The following CSGALNACT1 variants were observed in gnomAD, a reference collection of about 807,000 sequenced individuals.
CSGALNACT1 encodes beta4GalNAcT-1.
Under a neutral mutation model 51.0 loss-of-function variants are expected in CSGALNACT1, and 52 were observed. That is an observed-to-expected ratio of 1.02 (90% CI 0.82 to 1.29). CSGALNACT1 has a LOEUF of 1.29. Among genes scored for constraint, CSGALNACT1 ranks in the 50% most tolerant of loss-of-function variants. The probability of loss-of-function intolerance (pLI) is 0.00; values close to 1 mark genes in which losing one functional copy is unlikely to be tolerated. For synonymous variants in CSGALNACT1, 341 were observed against 254.4 expected (o/e 1.34, Z -3.24); for missense variants, 935 against 679.2 (o/e 1.38, Z -4.19).
At chr8:19,409,414 A>C (rs917418521) in intron 8 of CSGALNACT1, among the ~76,000 whole-genome samples, 2 of 152,166 alleles carry the variant, frequency 1.3e-5, no homozygotes, top group African/African-American at 4.8e-5. Context: ...GACACTGCCC[A>C]GTCTCTTACT....
intron 1 of CSGALNACT1, among the ~76,000 whole-genome samples, chr8:19,707,259 T>C (rs1231093632): frequency 6.6e-6 from 1 of 152,172 alleles, no homozygotes; most frequent in Admixed American, 6.5e-5. Context: ...CAGTTCTACA[T>C]CCATAAGTGT....
intron 4 of CSGALNACT1, among the ~76,000 whole-genome samples, chr8:19,474,224 G>T (rs1296643743): frequency 1.3e-5 from 2 of 152,016 alleles, no homozygotes; most frequent in African/African-American, 4.8e-5. Context: ...AAAAGGGAAA[G>T]AAACCAACAC....
At chr8:19,755,138 C>A (rs1488025694) in intron 1 of CSGALNACT1, among the ~76,000 whole-genome samples, 2 of 152,088 alleles carry the variant, frequency 1.3e-5, no homozygotes, top group Non-Finnish European at 2.9e-5. Flanking sequence ...CCTTGCAGAC[C>A]TTACTGATAT....
rs528151112 is a variant in CSGALNACT1 at position 19,559,908 on chromosome 8, T to C, written c.-297+31252A>G. Among the ~76,000 whole-genome samples, 30 of 152,260 alleles carry C rather than the reference T, an allele frequency of 2.0e-4. No homozygotes were observed. In the South Asian group the frequency reaches 6.0e-3, roughly 31 times the overall value. ...GAACTTGACTAAGTTGATTGTAAAA[T>C]TGCATATGGAAATGCAAAGGGCCAA... On this transcript the variant is annotated intron_variant, in intron 3 of 9. Transcript: ENST00000454498.
chr8:19,602,242 G>A (rs996916787), exon 1 of CSGALNACT1: 7 of 174,246 alleles, frequency 4.0e-5, no homozygotes, highest in African/African-American at 1.7e-4. Context: ...CAGCGCTGAA[G>A]TCACACTGGG....
At chr8:19,414,878 C>G (rs944499355) in intron 8 of CSGALNACT1, among the ~76,000 whole-genome samples, 5 of 152,230 alleles carry the variant, frequency 3.3e-5, no homozygotes, top group Non-Finnish European at 7.3e-5. Context: ...CCATCTCTTT[C>G]AAGACTGAGT....
intron 1 of CSGALNACT1, among the ~76,000 whole-genome samples, chr8:19,714,463 C>A (rs910796336): frequency 1.3e-5 from 2 of 151,820 alleles, no homozygotes; most frequent in African/African-American, 4.8e-5. Flanking sequence ...CATCTCTATT[C>A]TCTCTCTCCA....
chr8:19,570,866 C>T (rs2958572), intron 3 of CSGALNACT1, among the ~76,000 whole-genome samples: 2 of 152,170 alleles, frequency 1.3e-5, no homozygotes, highest in East Asian at 1.9e-4. Context: ...CGAGATCACG[C>T]TATTGCATAG....
intron 1 of CSGALNACT1, among the ~76,000 whole-genome samples, chr8:19,680,016 C>T (rs1994790): frequency 0.24 from 36,673 of 151,912 alleles, 4,544 homozygotes; most frequent in Admixed American, 0.31. Context: ...AAAATAGCCA[C>T]GACAAACTTT....
intron 4 of CSGALNACT1, among the ~76,000 whole-genome samples, chr8:19,479,205 C>G (rs1299802285): frequency 6.6e-6 from 1 of 152,218 alleles, no homozygotes; most frequent in Non-Finnish European, 1.5e-5. Flanking sequence ...GCCCAGGACA[C>G]CGTCTCTTCC....
chr8:19,471,898 A>C (rs894501490), intron 4 of CSGALNACT1, among the ~76,000 whole-genome samples: 2 of 152,154 alleles, frequency 1.3e-5, no homozygotes, highest in African/African-American at 4.8e-5. Context: ...TTCTCCCTCA[A>C]TGCTGTCTCT....
chr8:19,540,050 A>G (rs374126622), intron 3 of CSGALNACT1, among the ~76,000 whole-genome samples: 4 of 152,340 alleles, frequency 2.6e-5, no homozygotes, highest in Middle Eastern at 3.4e-3. Context: ...CAGAGCCACA[A>G]AAGACTAAAG....
intron 3 of CSGALNACT1, among the ~76,000 whole-genome samples, chr8:19,534,735 C>A (rs1047571128): frequency 1.3e-5 from 2 of 152,142 alleles, no homozygotes; most frequent in Non-Finnish European, 2.9e-5. Context: ...CTAAAATGCT[C>A]AGTGAATGAC....
At chr8:19,745,500 G>C (rs772218657) in intron 1 of CSGALNACT1, among the ~76,000 whole-genome samples, 1 of 152,136 alleles carries the variant, frequency 6.6e-6, no homozygotes, top group Non-Finnish European at 1.5e-5. Flanking sequence ...AGTGTTTCCA[G>C]GAAGATCATA....
At chr8:19,563,016 T>G (rs758064037) in intron 3 of CSGALNACT1, among the ~76,000 whole-genome samples, 1 of 152,040 alleles carries the variant, frequency 6.6e-6, no homozygotes, top group African/African-American at 2.4e-5. Context: ...AGCAAAGACA[T>G]AGAATCAACC....
intron 1 of CSGALNACT1, among the ~76,000 whole-genome samples, chr8:19,645,160 C>T (rs1189644794): frequency 1.3e-5 from 2 of 152,116 alleles, no homozygotes; most frequent in African/African-American, 2.4e-5. Flanking sequence ...GGCAGGAGGC[C>T]GGGCAACAGG....
At chr8:19,749,445 A>G (rs1203947596) in intron 1 of CSGALNACT1, among the ~76,000 whole-genome samples, 3 of 152,114 alleles carry the variant, frequency 2.0e-5, no homozygotes, top group African/African-American at 4.8e-5. Context: ...CCTATGTGCC[A>G]TGGCATAATA....
chr8:19,542,875 G>C (rs762567695), intron 3 of CSGALNACT1, among the ~76,000 whole-genome samples: 36 of 152,204 alleles, frequency 2.4e-4, no homozygotes, highest in Non-Finnish European at 4.4e-4. Context: ...ATTTTAAGAA[G>C]CCCTTCTGTA....
chr8:19,590,121 A>C lies in CSGALNACT1; in HGVS notation c.-297+1039T>G, dbSNP rs561719487. Among the ~76,000 whole-genome samples the C allele has an allele frequency of 1.1e-4, 17 of 152,306 alleles. No homozygotes were observed. In the South Asian group the frequency reaches 3.5e-3, roughly 32 times the overall value. On this transcript the variant is annotated intron_variant, in intron 3 of 9. Transcript: ENST00000454498. ...CCTGCCCAAGTTTGGTGACGTTGTC[A>C]TCTCTCTCTTTAGTTATTTAACCCC...
Sources: gnomAD v4.1 joint callset for allele counts (sites outside exome capture counted in the v4.1 genomes callset) on GRCh38, gnomAD v4.1.1 for gene constraint, MANE v1.5 for transcripts, NCBI Gene and HGNC (gene_info 2026-07-23, HGNC 2026-07-21) for gene names.